Variants in PLEC observed in about 807,000 individuals in gnomAD.
PLEC encodes the protein plectin, also known as hemidesmosomal protein 1.
PLEC carries 216 observed loss-of-function variants against 392.8 expected under a neutral mutation model. The observed-to-expected ratio is 0.55, with a 90% CI of 0.49 to 0.62. The LOEUF is 0.62. PLEC is among the 20% of genes least tolerant of loss of function. The pLI is 0.00. For synonymous variants in PLEC, 3,621 were observed against 2,980.6 expected, an observed-to-expected ratio of 1.21 and a Z score of -7.00; for missense variants, 6,863 against 6,563.4, an observed-to-expected ratio of 1.05 and a Z score of -1.58.
Position 143,930,442 on chromosome 8 carries a change from G to A in PLEC, c.2399C>T (p.Ala800Val). The change falls in exon 20 of 32, where the codon GCC becomes GTC. Residue 800 changes from alanine to valine, a missense_variant. Transcript: ENST00000345136. ...GGGCAGGCGGCCCCGCATGGGGTGG[G>A]CTGGGTGGCGGGGCTTCAGCTGCAC... The part of the protein sequence containing the change: ...AVVQLKPRHP[A>V]HPMRGRLPLL... The A allele has an allele frequency of 1.9e-6, 3 of 1,576,490 alleles. No homozygotes were observed. The highest frequency in any genetic ancestry group is 1.7e-6 in the Non-Finnish European group (2 of 1,161,980).
upstream of PLEC, chr8:143,975,416 G>A (rs781942752): frequency 2.0e-5 from 31 of 1,557,778 alleles, no homozygotes; most frequent in Middle Eastern, 6.7e-4. This position sits in a 1 kb window ranked among gnomAD's most constrained non-coding sequence, Gnocchi z 9.9. Context: ...TGCCTGTTCA[G>A]GAGTGGACTC....
Position 143,934,739 on chromosome 8 carries a change from G to C in PLEC, c.946-9C>G, listed in dbSNP as rs533035329. Reference sequence around the variant, plus strand: ...AACTGAGACCACAGGATCTGCCAGGGACGAGGCTGTCGGCAACCACGCCGG... The same window carrying C: ...AACTGAGACCACAGGATCTGCCAGGCACGAGGCTGTCGGCAACCACGCCGG... On this transcript the variant is annotated splice_polypyrimidine_tract_variant and intron_variant, in intron 9 of 31. Transcript: ENST00000345136. The C allele has an allele frequency of 3.7e-6, 6 of 1,612,308 alleles. No individual in the cohort carries two copies. The African/African-American group carries it at 5.3e-5, about 14-fold the overall frequency.
At chr8:143,934,234 G>C (rs1828296974) in intron 11 of PLEC, 84 bp downstream of exon 11, 2 of 1,595,656 alleles carry the variant, frequency 1.3e-6, no homozygotes, top group South Asian at 2.2e-5. Flanking sequence ...TCCCCCGCCG[G>C]GGGCGGGGCG....
intron 6 of PLEC, 134 bp downstream of exon 6, chr8:143,935,714 C>A: frequency 1.0e-6 from 1 of 956,298 alleles, no homozygotes; most frequent in Non-Finnish European, 1.6e-6. Flanking sequence ...AACTCCACCA[C>A]CCCGAGGCGG....
rs782546292 is a variant in PLEC at position 143,920,325 on chromosome 8, C to T, written c.9496G>A (p.Glu3166Lys). The change falls in exon 32 of 32, where the codon GAG becomes AAG. Residue 3166 changes from glutamate (E) to lysine (K), a missense_variant. Transcript: ENST00000345136. ...VACARGCLDE[E>K]TSRALSAPRA... ...GGTGCCGACAGGGCCCTGCTGGTCTCCTCATCCAGGCAGCCTCGGGCGCAG... is the reference window on the plus strand; with the variant it reads ...GGTGCCGACAGGGCCCTGCTGGTCTTCTCATCCAGGCAGCCTCGGGCGCAG... 5.0e-6 allele frequency: 8 copies of T among 1,593,074 alleles called. No individual in the cohort carries two copies. The South Asian group carries it at 7.8e-5, about 15-fold the overall frequency.
At chr8:143,946,022 C>T (rs1587329164) in intron 1 of PLEC, among the ~76,000 whole-genome samples, 2 of 152,372 alleles carry the variant, frequency 1.3e-5, no homozygotes, top group South Asian at 2.1e-4. Context: ...ACAGGCCGGA[C>T]GTTTCAGCCC....
At position 143,933,990 on chromosome 8, in the gene PLEC, C is replaced by T. The variant is rs545715431; in HGVS notation, c.1263+8G>A. On this transcript the variant is annotated splice_region_variant and intron_variant, in intron 12 of 31. Coordinates refer to ENST00000345136, the MANE Select transcript of PLEC (RefSeq NM_201384.3). ...CTCCCGCCCACTGCCTGCCCCACAC[C>T]CCCTCACCGACTGCAGCAGGGCGTC... is the stretch of plus-strand genomic sequence containing the variant. 1.2e-6 allele frequency: 2 copies of T among 1,602,680 alleles called. No homozygotes were observed. The highest frequency in any genetic ancestry group is 1.7e-5 in the Admixed American group (1 of 59,650).
rs533900126 is a variant in PLEC at position 143,950,802 on chromosome 8, G to A, written c.-96C>T. ...GCTGCGAGAAGCTCCCGCGCTACAG[G>A]GTGTGACAGCGGGCAGCGGCAGGGC... On this transcript the variant is annotated 5_prime_UTR_variant, in exon 1 of 32. Transcript: ENST00000322810. 1,255 of 1,513,154 alleles carry A rather than the reference G, an allele frequency of 8.3e-4. 1 individual carries two copies. Among genetic ancestry groups the A allele is most frequent in the Non-Finnish European group, 1.1e-3 (1,197 of 1,133,060 alleles). The allele number at this position is 1,513,154 out of a possible 1,614,324, so 93.7% of individuals were successfully genotyped here. A position where few individuals can be genotyped will look rare whatever the true frequency, so the allele number is the denominator to read the frequency against.
chr8:143,923,500 C>T lies in PLEC; in HGVS notation c.6429G>A (p.Glu2143=), dbSNP rs782191026. 4.4e-6 allele frequency: 7 copies of T among 1,598,966 alleles called. No homozygotes were observed. In the African/African-American group the frequency reaches 5.3e-5, roughly 12 times the overall value. ...AAAEKLRKEA[E]QEAARRAQAE... ...CCTGTGCCCGCCGCGCCGCCTCTTGCTCGGCCTCCTTGCGCAGCTTCTCTG... is the reference window on the plus strand; with the variant it reads ...CCTGTGCCCGCCGCGCCGCCTCTTGTTCGGCCTCCTTGCGCAGCTTCTCTG... Residue 2143 remains glutamate (E), a synonymous_variant, in exon 31 of 32, where the codon GAG becomes GAA. Coordinates refer to ENST00000345136, the MANE Select transcript of PLEC (RefSeq NM_201384.3).
At chr8:143,949,165 C>A (rs1231885012) in intron 1 of PLEC, among the ~76,000 whole-genome samples, 1 of 152,234 alleles carries the variant, frequency 6.6e-6, no homozygotes, top group Non-Finnish European at 1.5e-5. Context: ...GGCAGCTGCG[C>A]CCTAAACTTG....
chr8:143,933,618 T>A lies in PLEC; in HGVS notation c.1264-267A>T, dbSNP rs1339118206. On this transcript the variant is annotated intron_variant, in intron 12 of 31. Coordinates refer to ENST00000345136, the MANE Select transcript of PLEC (RefSeq NM_201384.3). ...GTGGGGTCCTGGGCCTCATCCTCCA[T>A]CACCCACCCTGGGTAACTCCTCCTG... Among the ~76,000 whole-genome samples the A allele has an allele frequency of 2.6e-5, 4 of 152,226 alleles. No homozygotes were observed. In the South Asian group the frequency reaches 8.3e-4, roughly 32 times the overall value.
In PLEC at chr8:143,917,103, C is replaced by G; in HGVS notation, c.12718G>C (p.Ala4240Pro). ...GAGGAACGGGAGCGGAAACCACCGG[C>G]GTTGCCCGAGAGCATGTCGGCGAAC... ...TEFADMLSGN[A>P]GGFRSRSSSV... is the part of the protein sequence containing the mutation. The change falls in exon 32 of 32, where the codon GCC becomes CCC. Residue 4240 changes from alanine (A) to proline (P), a missense_variant. Coordinates refer to ENST00000345136, the MANE Select transcript of PLEC (RefSeq NM_201384.3). 2 of 1,605,472 alleles carry G rather than the reference C, an allele frequency of 1.2e-6. No individual in the cohort carries two copies. The highest frequency in any genetic ancestry group is 1.7e-6 in the Non-Finnish European group (2 of 1,173,536).
chr8:143,923,125 C>T lies in PLEC; in HGVS notation c.6804G>A (p.Glu2268=). 1.2e-6 allele frequency: 2 copies of T among 1,604,638 alleles called. No individual in the cohort carries two copies. Among genetic ancestry groups the T allele is most frequent in the Non-Finnish European group, 8.5e-7 (1 of 1,179,882 alleles). The change falls in exon 31 of 32, where the codon GAG becomes GAA. Residue 2268 remains glutamate, a synonymous_variant. Transcript: ENST00000345136. Reference sequence around the variant, plus strand: ...CCACCTGCTTCATCTTCTCAGCCTCCTCCTGCAGGAAGCGCTGCGTATTGT... The same window carrying T: ...CCACCTGCTTCATCTTCTCAGCCTCTTCCTGCAGGAAGCGCTGCGTATTGT... ...DKDNTQRFLQ[E]EAEKMKQVAE...
chr8:143,921,287 T>C lies in PLEC; in HGVS notation c.8534A>G (p.Asp2845Gly). 1.2e-6 allele frequency: 2 copies of C among 1,613,948 alleles called. No homozygotes were observed. Among genetic ancestry groups the C allele is most frequent in the South Asian group, 1.1e-5 (1 of 91,076 alleles). ...FDEEMNRVLA[D>G]PSDDTKGFFD... Reference sequence around the variant, plus strand: ...GAAGCCCTTGGTGTCGTCGCTGGGGTCCGCCAGGACGCGGTTCATCTCCTC... The same window carrying C: ...GAAGCCCTTGGTGTCGTCGCTGGGGCCCGCCAGGACGCGGTTCATCTCCTC... Residue 2845 changes from aspartate (D) to glycine (G), a missense_variant, in exon 32 of 32, where the codon GAC becomes GGC. Transcript: ENST00000345136.
chr8:143,951,867 C>T (rs920376289), upstream of PLEC, among the ~76,000 whole-genome samples: 2 of 151,548 alleles, frequency 1.3e-5, no homozygotes, highest in East Asian at 3.9e-4. Flanking sequence ...CATCATCCAC[C>T]CCCCCCTCCC....
chr8:143,932,428 T>C lies in PLEC; in HGVS notation c.1949A>G (p.Asn650Ser), dbSNP rs782028746. 2 of 1,612,840 alleles carry C rather than the reference T, an allele frequency of 1.2e-6. No homozygotes were observed. Among genetic ancestry groups the C allele is most frequent in the Admixed American group, 3.3e-5 (2 of 60,014 alleles). Residue 650 changes from asparagine (N) to serine (S), a missense_variant, in exon 16 of 32, where the codon AAC (asparagine) becomes AGC (serine). By Grantham distance (46) the Asn-to-Ser change is conservative. Coordinates refer to ENST00000345136, the MANE Select transcript of PLEC (RefSeq NM_201384.3). ...GTAGCTCTCCTTCTTGGCGGTCATG[T>C]TGGTGTTGCGGTCGCTCCAGTCGAA... ...VGFDWSDRNT[N>S]MTAKKESYSA...
At chr8:143,964,365 A>T (rs1383215632) in intron 1 of PLEC, among the ~76,000 whole-genome samples, 4 of 152,170 alleles carry the variant, frequency 2.6e-5, no homozygotes, top group African/African-American at 9.7e-5. Context: ...AGATCATCCT[A>T]GATTACCCAG....
chr8:143,919,128 T>A lies in PLEC; in HGVS notation c.10693A>T (p.Arg3565Trp). The A allele has an allele frequency of 6.2e-7, 1 of 1,613,234 alleles. No homozygotes were observed. Among genetic ancestry groups the A allele is most frequent in the Non-Finnish European group, 8.5e-7 (1 of 1,180,022 alleles). Reference protein sequence around the residue: ...TQVYTEEETRRAFEETQIDIP... With the variant: ...TQVYTEEETRWAFEETQIDIP... ...TCGATCTGTGTCTCTTCAAATGCCC[T>A]TCTTGTCTCCTCCTCAGTGTACACC... The change falls in exon 32 of 32, where the codon AGG becomes TGG. Residue 3565 changes from arginine to tryptophan, a missense_variant. Coordinates refer to ENST00000345136, the MANE Select transcript of PLEC (RefSeq NM_201384.3).
chr8:143,954,356 C>A (rs535480384), upstream of PLEC, among the ~76,000 whole-genome samples: 7 of 152,308 alleles, frequency 4.6e-5, no homozygotes, highest in African/African-American at 1.7e-4. The surrounding 1 kb of genome is among the most constrained non-coding windows in gnomAD (Gnocchi z 4.6). Flanking sequence ...CGCCTCTGCG[C>A]AGCCCTGGGT....
Sources: allele counts gnomAD v4.1 joint callset (sites outside exome capture counted in the v4.1 genomes callset), GRCh38; gene constraint gnomAD v4.1.1; non-coding constraint Gnocchi (gnomAD v3.1); transcripts MANE v1.5; gene names NCBI Gene and HGNC (gene_info 2026-07-23, HGNC 2026-07-21).